ZNF800: variants seen among roughly 807,000 people sequenced by gnomAD.
ZNF800 encodes zinc finger protein 800.
ZNF800 carries 13 observed loss-of-function variants against 59.5 expected under a neutral mutation model. The observed-to-expected ratio is 0.22, with a 90% CI of 0.14 to 0.35. The LOEUF (loss-of-function observed/expected upper bound fraction) is 0.35, where lower values mean the gene tolerates loss of function less well. Ranked by LOEUF, ZNF800 falls within the 10% of genes least tolerant of loss-of-function variation. The pLI is 1.00. For synonymous variants in ZNF800, 266 were observed against 265.7 expected (o/e 1.00, Z -0.01); for missense variants, 621 against 783.7 (o/e 0.79, Z 2.48).
At chr7:127,348,139 G>C (rs1187609661) in intron 1 of ZNF800, 1 of 152,140 alleles carries the variant, frequency 6.6e-6, no homozygotes, top group East Asian at 1.9e-4. Flanking sequence ...TCTCAGCCCC[G>C]CAAGAGCTGC....
chr7:127,392,664 A>AG lies in ZNF800; in HGVS notation c.-664dup, dbSNP rs1213913630. On this transcript the variant is annotated 5_prime_UTR_variant, in exon 1 of 6. Coordinates refer to ENST00000265827, the MANE Select transcript of ZNF800 (RefSeq NM_176814.5). ...AGCTACCGCCGCGGAGCGCGTAGGAAGGGGGAAGCAGAGACTCTCCGGCAG... is the reference window on the plus strand; with the variant it reads ...AGCTACCGCCGCGGAGCGCGTAGGAAGGGGGGAAGCAGAGACTCTCCGGCAG... The AG allele has an allele frequency of 6.4e-6, 1 of 155,236 alleles. No homozygotes were observed. The highest frequency in any genetic ancestry group is 1.4e-5 in the Non-Finnish European group (1 of 70,200). 9.6% of individuals were successfully genotyped at this position (155,236 alleles called of 1,614,324 possible).
At chr7:127,379,707 T>C (rs1490422192) in intron 3 of ZNF800, among the ~76,000 whole-genome samples, 8 of 152,112 alleles carry the variant, frequency 5.3e-5, no homozygotes, top group Non-Finnish European at 8.8e-5. Flanking sequence ...GTCCTAATTA[T>C]ACAGTTAAGT....
At chr7:127,367,763 AT>A (rs1261935512), downstream of ZNF800, among the ~76,000 whole-genome samples, 1 of 152,210 alleles carries the variant, frequency 6.6e-6, no homozygotes, top group Non-Finnish European at 1.5e-5. Context: ...ATTATCAAAT[AT>A]TTATTTGAAG....
At position 127,384,106 on chromosome 7, in the gene ZNF800, T is replaced by G. The variant is rs1478346122; in HGVS notation, c.157+1954A>C. On this transcript the variant is annotated intron_variant, in intron 3 of 5. Coordinates refer to ENST00000265827, the MANE Select transcript of ZNF800 (RefSeq NM_176814.5). Reference sequence around the variant, plus strand: ...TCTTTAAATATTTGCCTTCTAAAATTAAAAAAGATTTTTGGAATCTTTTTT... The same window carrying G: ...TCTTTAAATATTTGCCTTCTAAAATGAAAAAAGATTTTTGGAATCTTTTTT... Among the ~76,000 whole-genome samples, 3 of 151,994 alleles carry G rather than the reference T, an allele frequency of 2.0e-5. No individual in the cohort carries two copies. In the East Asian group the frequency reaches 5.8e-4, roughly 29 times the overall value.
chr7:127,385,383 T>C (rs574158589), intron 3 of ZNF800, among the ~76,000 whole-genome samples: 4 of 152,290 alleles, frequency 2.6e-5, no homozygotes, highest in African/African-American at 7.2e-5. Context: ...ACTGATAACA[T>C]AGGGGCGCTA....
intron 1 of ZNF800, among the ~76,000 whole-genome samples, chr7:127,353,096 T>C (rs886688183): frequency 1.3e-5 from 2 of 152,208 alleles, no homozygotes; most frequent in African/African-American, 4.8e-5. Flanking sequence ...ATCAGTCACC[T>C]AAGCAAAAAG....
At chr7:127,379,313 A>G (rs17866001) in intron 3 of ZNF800, among the ~76,000 whole-genome samples, 2,292 of 152,290 alleles carry the variant, frequency 0.015, 63 homozygotes, top group African/African-American at 0.053. Context: ...ATTGACCTAT[A>G]TATATTTCTC....
intron 1 of ZNF800, among the ~76,000 whole-genome samples, chr7:127,352,897 T>TACAC (rs10556706): frequency 2.0e-5 from 3 of 151,018 alleles, no homozygotes; most frequent in African/African-American, 7.3e-5. Flanking sequence ...ATCCCACGAT[T>TACAC]ACACACACAC....
intron 5 of ZNF800, 82 bp from the exon 6 acceptor site, chr7:127,371,896 T>C: frequency 1.6e-6 from 1 of 637,128 alleles, no homozygotes; most frequent in Non-Finnish European, 2.9e-6. Flanking sequence ...AGTAAATTAC[T>C]TCTAAAAGAT....
intron 3 of ZNF800, among the ~76,000 whole-genome samples, chr7:127,384,356 C>A (rs1801072557): frequency 6.6e-6 from 1 of 150,500 alleles, no homozygotes; most frequent in South Asian, 2.1e-4. Context: ...GCCTCAGCCT[C>A]TCGAGTAGCT....
At chr7:127,382,552 A>T (rs938412116) in intron 3 of ZNF800, among the ~76,000 whole-genome samples, 1 of 152,184 alleles carries the variant, frequency 6.6e-6, no homozygotes, top group Non-Finnish European at 1.5e-5. Flanking sequence ...CACAAAGGGT[A>T]AGGCACAGTC....
In ZNF800 at chr7:127,387,813, A is replaced by G. The variant is rs1587456137; in HGVS notation, c.62-1658T>C. ...GAGGCAGAGGTTGCAGTGAGCTGTG[A>G]TCACGCCACTGCACTCCAGCCTGGG... is the stretch of plus-strand genomic sequence containing the variant. On this transcript the variant is annotated intron_variant, in intron 2 of 5. Coordinates refer to ENST00000265827, the MANE Select transcript of ZNF800 (RefSeq NM_176814.5). Among the ~76,000 whole-genome samples the G allele has an allele frequency of 5.3e-5, 8 of 152,116 alleles. 1 individual carries two copies. In the South Asian group the frequency reaches 1.7e-3, roughly 32 times the overall value.
intron 1 of ZNF800, chr7:127,363,902 A>T (rs1292202844): frequency 2.0e-5 from 3 of 152,110 alleles, no homozygotes; most frequent in Non-Finnish European, 4.4e-5. Context: ...AAAGTGTACA[A>T]GTTTTGGGTG....
rs1419422 is a variant in ZNF800 at position 127,377,854 on chromosome 7, T to C, written c.158-525A>G. Among the ~76,000 whole-genome samples, 139,520 of 152,092 alleles carry C rather than the reference T, an allele frequency of 0.92. 64,069 individuals are homozygous for C. Among genetic ancestry groups the C allele is most frequent in the East Asian group, 1 (5,173 of 5,178 alleles). On this transcript the variant is annotated intron_variant, in intron 3 of 5. Coordinates refer to ENST00000265827, the MANE Select transcript of ZNF800 (RefSeq NM_176814.5). This position sits in a 1 kb window ranked among gnomAD's most constrained non-coding sequence, Gnocchi z 4.7. ...AACTGTATTACAGGATTGCCTGTGA[T>C]TTTTCTCTTTAAATTCAGCTCAAAT... is the stretch of plus-strand genomic sequence containing the variant.
chr7:127,391,898 C>G (rs1801333069), intron 1 of ZNF800, among the ~76,000 whole-genome samples, 162 bp downstream of exon 1: 1 of 151,218 alleles, frequency 6.6e-6, no homozygotes, highest in Non-Finnish European at 1.5e-5. Context: ...GGCGGGCGCG[C>G]GGAAACGGAG....
chr7:127,357,721 T>C (rs1394656291), intron 1 of ZNF800, among the ~76,000 whole-genome samples: 1 of 152,066 alleles, frequency 6.6e-6, no homozygotes, highest in African/African-American at 2.4e-5. Flanking sequence ...TCTTAAAACC[T>C]CTCTGAATAC....
chr7:127,381,696 A>G lies in ZNF800; in HGVS notation c.157+4364T>C, dbSNP rs565586085. On this transcript the variant is annotated intron_variant, in intron 3 of 5. Coordinates refer to ENST00000265827, the MANE Select transcript of ZNF800 (RefSeq NM_176814.5). Reference sequence around the variant, plus strand: ...CGTAACACCAGATGACATGCTTTGAATATGAATGTAAGGAAAACAAATCTA... The same window carrying G: ...CGTAACACCAGATGACATGCTTTGAGTATGAATGTAAGGAAAACAAATCTA... Among the ~76,000 whole-genome samples, 4 of 152,268 alleles carry G rather than the reference A, an allele frequency of 2.6e-5. No homozygotes were observed. In the South Asian group the frequency reaches 6.2e-4, roughly 24 times the overall value.
chr7:127,392,682 T>C lies in ZNF800; in HGVS notation c.-681A>G, dbSNP rs1265727813. On this transcript the variant is annotated 5_prime_UTR_variant, in exon 1 of 6. Transcript: ENST00000265827. ...CGTAGGAAGGGGGAAGCAGAGACTCTCCGGCAGCGACAGGGAGCGACTGAC... is the reference window on the plus strand; with the variant it reads ...CGTAGGAAGGGGGAAGCAGAGACTCCCCGGCAGCGACAGGGAGCGACTGAC... 1.3e-5 allele frequency: 2 copies of C among 153,706 alleles called. No homozygotes were observed. Among genetic ancestry groups the C allele is most frequent in the East Asian group, 3.8e-4 (2 of 5,252 alleles). The allele number at this position is 153,706 out of a possible 1,614,324, so 9.5% of individuals were successfully genotyped here. A position where few individuals can be genotyped will look rare whatever the true frequency, so the allele number is the denominator to read the frequency against.
intron 3 of ZNF800, among the ~76,000 whole-genome samples, chr7:127,379,833 G>C (rs1353743759): frequency 4.4e-3 from 56 of 12,678 alleles, no homozygotes; most frequent in South Asian, 8.8e-3. Context: ...CCTTACCCTT[G>C]CCACCCCCCC....
Sources: gnomAD v4.1 joint callset for allele counts (sites outside exome capture counted in the v4.1 genomes callset) on GRCh38, gnomAD v4.1.1 for gene constraint, Gnocchi (gnomAD v3.1) non-coding constraint, MANE v1.5 for transcripts, NCBI Gene and HGNC (gene_info 2026-07-23, HGNC 2026-07-21) for gene names.